CSMD3: variants seen among roughly 807,000 people sequenced by gnomAD.
CSMD3 encodes CUB and sushi domain-containing protein 3.
Under a neutral mutation model 435.2 loss-of-function variants are expected in CSMD3, and 177 were observed. The observed-to-expected ratio is 0.41, with a 90% CI of 0.36 to 0.46. CSMD3 has a LOEUF of 0.46. Ranked by LOEUF, CSMD3 falls within the 20% of genes least tolerant of loss-of-function variation. The probability of loss-of-function intolerance (pLI) is 0.34; values close to 1 mark genes in which losing one functional copy is unlikely to be tolerated. For synonymous variants in CSMD3, 1,656 were observed against 1,520.5 expected (o/e 1.09, Z -2.07); for missense variants, 4,265 against 4,504.6 (o/e 0.95, Z 1.52).
intron 38 of CSMD3, among the ~76,000 whole-genome samples, chr8:112,359,316 G>A (rs1290503820): frequency 1.3e-5 from 2 of 152,030 alleles, no homozygotes; most frequent in Non-Finnish European, 2.9e-5. Context: ...AGATATTCTT[G>A]TAGCACCACC....
At chr8:112,277,860 G>A (rs1818227615) in intron 59 of CSMD3, among the ~76,000 whole-genome samples, 2 of 152,066 alleles carry the variant, frequency 1.3e-5, no homozygotes, top group African/African-American at 2.4e-5. Flanking sequence ...GCACTACCAC[G>A]AGAACAGTAT....
chr8:112,378,203 T>C (rs1372510107), intron 38 of CSMD3, among the ~76,000 whole-genome samples: 1 of 151,614 alleles, frequency 6.6e-6, no homozygotes, highest in African/African-American at 2.4e-5. Flanking sequence ...TCTTATACGT[T>C]GTTGGCGAGA....
intron 1 of CSMD3, among the ~76,000 whole-genome samples, chr8:113,388,787 T>G (rs930054779): frequency 6.6e-6 from 1 of 151,596 alleles, no homozygotes; most frequent in Admixed American, 6.6e-5. Flanking sequence ...CTTTTCACAA[T>G]TTTAGCTTTA....
At chr8:112,775,408 T>G (rs1028453363) in intron 13 of CSMD3, among the ~76,000 whole-genome samples, 1 of 151,896 alleles carries the variant, frequency 6.6e-6, no homozygotes, top group Non-Finnish European at 1.5e-5. Flanking sequence ...GTGATTTAAA[T>G]ATCACTGAAT....
intron 4 of CSMD3, among the ~76,000 whole-genome samples, chr8:113,134,794 T>A (rs1564352719): frequency 6.6e-6 from 1 of 152,014 alleles, no homozygotes; most frequent in Admixed American, 6.6e-5. Context: ...AAAAGGGGTT[T>A]ATTTAACTCA....
intron 31 of CSMD3, among the ~76,000 whole-genome samples, chr8:112,490,671 T>C (rs974289183): frequency 2.1e-4 from 32 of 152,142 alleles, no homozygotes; most frequent in African/African-American, 7.7e-4. Context: ...TGAATCTGGC[T>C]CCTGGAAATT....
intron 12 of CSMD3, among the ~76,000 whole-genome samples, chr8:112,809,972 A>G (rs1273428091): frequency 1.3e-5 from 2 of 152,106 alleles, no homozygotes; most frequent in African/African-American, 2.4e-5. Context: ...AACAATTGAA[A>G]CGCAGATGGT....
At chr8:112,251,951 T>C (rs989893046) in intron 63 of CSMD3, among the ~76,000 whole-genome samples, 1 of 151,948 alleles carries the variant, frequency 6.6e-6, no homozygotes, top group African/African-American at 2.4e-5. Flanking sequence ...TTATGTTGAA[T>C]ACTTTTTTCA....
intron 5 of CSMD3, among the ~76,000 whole-genome samples, chr8:113,091,947 G>C (rs1370181492): frequency 6.6e-6 from 1 of 151,928 alleles, no homozygotes; most frequent in South Asian, 2.1e-4. Flanking sequence ...TGCTTTTTCT[G>C]TATCACATAG....
At chr8:112,342,056 G>A (rs1046797078) in intron 41 of CSMD3, among the ~76,000 whole-genome samples, 1 of 152,016 alleles carries the variant, frequency 6.6e-6, no homozygotes, top group Non-Finnish European at 1.5e-5. Flanking sequence ...TTATGGAAAA[G>A]GTCAATCTAA....
At chr8:112,813,901 G>C (rs1416832317) in intron 12 of CSMD3, among the ~76,000 whole-genome samples, 1 of 152,200 alleles carries the variant, frequency 6.6e-6, no homozygotes, top group African/African-American at 2.4e-5. Context: ...TCCTGGGACA[G>C]GAAAGGCCAG....
At chr8:112,437,490 T>A (rs1326485481) in intron 32 of CSMD3, among the ~76,000 whole-genome samples, 1 of 152,050 alleles carries the variant, frequency 6.6e-6, no homozygotes, top group Non-Finnish European at 1.5e-5. Context: ...AACTAAGGAA[T>A]CTCTGGATTC....
chr8:112,677,536 G>A lies in CSMD3; in HGVS notation c.2677+4906C>T, dbSNP rs2075795181. On this transcript the variant is annotated intron_variant, in intron 16 of 70. Transcript: ENST00000297405. ...CATACTAGATAACTGAGCCACATTA[G>A]GAGCTAAATTATTAGCAAAATTGTA... Among the ~76,000 whole-genome samples the A allele has an allele frequency of 2.0e-5, 3 of 148,948 alleles. No individual in the cohort carries two copies. The South Asian group carries it at 6.5e-4, about 32-fold the overall frequency.
At chr8:112,955,306 T>C (rs1318211098) in intron 7 of CSMD3, among the ~76,000 whole-genome samples, 1 of 151,756 alleles carries the variant, frequency 6.6e-6, no homozygotes, top group African/African-American at 2.4e-5. Flanking sequence ...GACACTACAA[T>C]TGCTGTTAGT....
intron 4 of CSMD3, among the ~76,000 whole-genome samples, chr8:113,141,886 T>C (rs1159349974): frequency 6.6e-6 from 1 of 151,014 alleles, no homozygotes; most frequent in African/African-American, 2.4e-5. Context: ...TAGAAATTCC[T>C]AAGGAATCTA....
At chr8:112,815,237 T>C (rs72680229) in intron 12 of CSMD3, among the ~76,000 whole-genome samples, 7,918 of 152,248 alleles carry the variant, frequency 0.052, 281 homozygotes, top group Middle Eastern at 0.085. Flanking sequence ...TAAATGTTAG[T>C]TCACTTAGCT....
chr8:113,381,490 G>T (rs957026498), intron 1 of CSMD3, among the ~76,000 whole-genome samples: 4 of 152,152 alleles, frequency 2.6e-5, no homozygotes, highest in South Asian at 2.1e-4. Context: ...CAAATGCAAG[G>T]CTCCAAAGCT....
In CSMD3 at chr8:112,265,595, C is replaced by T. The variant is rs753948006; in HGVS notation, c.9509-5G>A. 6.2e-7 allele frequency: 1 copy of T among 1,606,850 alleles called. No homozygotes were observed. The highest frequency in any genetic ancestry group is 8.5e-7 in the Non-Finnish European group (1 of 1,173,674). On this transcript the variant is annotated splice_polypyrimidine_tract_variant and splice_region_variant and intron_variant, in intron 59 of 70. Coordinates refer to ENST00000297405, the MANE Select transcript of CSMD3 (RefSeq NM_198123.2). ...CTGGGTCTCCACAACTGATTACTGT[C>T]AGTATTGGATTAGAAGAGCAGATGG...
intron 38 of CSMD3, 128 bp downstream of exon 38, chr8:112,380,224 C>A: frequency 3.5e-6 from 2 of 578,192 alleles, no homozygotes; most frequent in Non-Finnish European, 6.1e-6. Flanking sequence ...ATAGTTCAAA[C>A]TTTCAAGAAA....
Sources: gnomAD v4.1 joint callset for allele counts (sites outside exome capture counted in the v4.1 genomes callset) on GRCh38, gnomAD v4.1.1 for gene constraint, MANE v1.5 for transcripts, NCBI Gene and HGNC (gene_info 2026-07-23, HGNC 2026-07-21) for gene names.